SHROOM3: variants seen among roughly 807,000 people sequenced by gnomAD.
SHROOM3 encodes the protein shroom family member 3, also known as protein Shroom3.
A neutral mutation model predicts 138.6 loss-of-function variants in SHROOM3; 47 were observed. That is an observed-to-expected ratio of 0.34 (90% CI 0.27 to 0.43). The LOEUF is 0.43. Ranked by LOEUF, SHROOM3 falls within the 20% of genes least tolerant of loss-of-function variation. The probability of loss-of-function intolerance (pLI) is 1.00; values close to 1 mark genes in which losing one functional copy is unlikely to be tolerated. For missense variants in SHROOM3, 2,491 were observed against 2,596.5 expected (o/e 0.96, Z 0.88); for synonymous variants, 1,062 against 1,063.3 (o/e 1.00, Z 0.02).
At chr4:76,451,092 G>A (rs1296986760) in intron 1 of SHROOM3, among the ~76,000 whole-genome samples, 1 of 152,050 alleles carries the variant, frequency 6.6e-6, no homozygotes, top group Non-Finnish European at 1.5e-5. Flanking sequence ...TGGGATTACA[G>A]GCACCTGCCA....
chr4:76,702,861 A>T (rs982974576), intron 2 of SHROOM3, among the ~76,000 whole-genome samples: 29 of 152,334 alleles, frequency 1.9e-4, no homozygotes, highest in African/African-American at 6.7e-4. Flanking sequence ...TAGGCAGGTT[A>T]AAAGATTTGG....
intron 10 of SHROOM3, among the ~76,000 whole-genome samples, chr4:76,775,325 T>G (rs1337389099): frequency 6.6e-6 from 1 of 151,628 alleles, no homozygotes; most frequent in African/African-American, 2.4e-5. Flanking sequence ...CCATGGGGTG[T>G]GTGTGTGTGT....
intron 2 of SHROOM3, among the ~76,000 whole-genome samples, chr4:76,614,070 A>T (rs1734821625): frequency 6.7e-6 from 1 of 148,372 alleles, no homozygotes; most frequent in Non-Finnish European, 1.5e-5. Context: ...TGTTTGTTTG[A>T]GACAGAGTCT....
chr4:76,574,271 G>A (rs1045383703), intron 2 of SHROOM3, among the ~76,000 whole-genome samples: 1 of 152,072 alleles, frequency 6.6e-6, no homozygotes, highest in African/African-American at 2.4e-5. Flanking sequence ...GGAAAATTTT[G>A]GCAATTAGAA....
At chr4:76,565,547 C>T (rs1733704355) in intron 2 of SHROOM3, among the ~76,000 whole-genome samples, 2 of 152,156 alleles carry the variant, frequency 1.3e-5, no homozygotes, top group South Asian at 4.1e-4. Context: ...GGCTGGAGTG[C>T]AGTGGCATGA....
At chr4:76,482,841 T>C (rs1308897826) in intron 1 of SHROOM3, among the ~76,000 whole-genome samples, 2 of 152,034 alleles carry the variant, frequency 1.3e-5, no homozygotes, top group African/African-American at 4.8e-5. Context: ...TCAGAAGTAA[T>C]GCCACACATC....
chr4:76,720,643 C>A (rs1220455930), intron 3 of SHROOM3, among the ~76,000 whole-genome samples: 1 of 146,230 alleles, frequency 6.8e-6, no homozygotes, highest in Non-Finnish European at 1.5e-5. Context: ...GGCAGAGTCT[C>A]GTTCTGTTGC....
chr4:76,689,564 G>GC, intron 2 of SHROOM3: 1 of 984,668 alleles, frequency 1.0e-6, no homozygotes, highest in Non-Finnish European at 1.2e-6. Flanking sequence ...GCGCTGCTGG[G>GC]CCGCCCATTG....
At chr4:76,516,988 C>T (rs1399308169) in intron 1 of SHROOM3, among the ~76,000 whole-genome samples, 2 of 152,184 alleles carry the variant, frequency 1.3e-5, no homozygotes, top group African/African-American at 4.8e-5. Flanking sequence ...TTCTATTTAT[C>T]TTGTTATTAA....
At chr4:76,441,050 T>G (rs1730657891) in intron 1 of SHROOM3, among the ~76,000 whole-genome samples, 1 of 151,188 alleles carries the variant, frequency 6.6e-6, no homozygotes, top group Non-Finnish European at 1.5e-5. Flanking sequence ...AAGGCTCATT[T>G]TACCAGTTCT....
chr4:76,598,395 T>C (rs1734435313), intron 2 of SHROOM3, among the ~76,000 whole-genome samples: 1 of 152,184 alleles, frequency 6.6e-6, no homozygotes, highest in Non-Finnish European at 1.5e-5. Flanking sequence ...GATGAAAGCT[T>C]CTTGTAGGAG....
At chr4:76,763,166 G>T (rs1363059026) in intron 9 of SHROOM3, among the ~76,000 whole-genome samples, 1 of 152,050 alleles carries the variant, frequency 6.6e-6, no homozygotes, top group Non-Finnish European at 1.5e-5. Context: ...CAGGAGGATT[G>T]CTGGAGCCCA....
chr4:76,515,812 G>T (rs1732432958), intron 1 of SHROOM3, among the ~76,000 whole-genome samples: 1 of 152,148 alleles, frequency 6.6e-6, no homozygotes. Context: ...AAGTCATGTA[G>T]GTGGTCTTTC....
At chr4:76,550,769 C>T (rs1579230329) in intron 1 of SHROOM3, among the ~76,000 whole-genome samples, 2 of 151,908 alleles carry the variant, frequency 1.3e-5, no homozygotes, top group East Asian at 2.0e-4. Flanking sequence ...GAGGCTGAAG[C>T]GGGAGGCTTG....
intron 4 of SHROOM3, among the ~76,000 whole-genome samples, chr4:76,731,801 A>AACAC (rs1043281204): frequency 6.6e-6 from 1 of 151,616 alleles, no homozygotes; most frequent in African/African-American, 2.4e-5. Flanking sequence ...CAAACAAACA[A>AACAC]ACAAACAGAA....
At chr4:76,535,567 C>A (rs1057266203) in intron 1 of SHROOM3, among the ~76,000 whole-genome samples, 1 of 152,196 alleles carries the variant, frequency 6.6e-6, no homozygotes, top group Non-Finnish European at 1.5e-5. Context: ...AACATTTCAT[C>A]CCAAATTTCC....
intron 2 of SHROOM3, among the ~76,000 whole-genome samples, chr4:76,603,285 G>A (rs551623055): frequency 6.6e-5 from 10 of 152,222 alleles, no homozygotes; most frequent in East Asian, 1.9e-4. Context: ...GGGTGTGGTC[G>A]CACGCACCTG....
At chr4:76,564,539 C>G (rs1733659335) in intron 2 of SHROOM3, among the ~76,000 whole-genome samples, 1 of 152,122 alleles carries the variant, frequency 6.6e-6, no homozygotes, top group African/African-American at 2.4e-5. Flanking sequence ...TTGTTCCTTC[C>G]CATGGAAAAT....
chr4:76,696,228 G>A (rs987935386), intron 2 of SHROOM3, among the ~76,000 whole-genome samples: 5 of 152,130 alleles, frequency 3.3e-5, no homozygotes, highest in Admixed American at 1.3e-4. Flanking sequence ...CACAATAGAC[G>A]CACATGGTTG....
Sources: gnomAD v4.1 joint callset for allele counts (sites outside exome capture counted in the v4.1 genomes callset) on GRCh38, gnomAD v4.1.1 for gene constraint, MANE v1.5 for transcripts, NCBI Gene and HGNC (gene_info 2026-07-23, HGNC 2026-07-21) for gene names.